LAMA2: variants seen among roughly 807,000 people sequenced by gnomAD.
LAMA2 encodes the protein laminin subunit alpha 2, also known as laminin subunit alpha-2.
Under a neutral mutation model 364.8 loss-of-function variants are expected in LAMA2, and 269 were observed. The observed-to-expected ratio is 0.74, with a 90% CI of 0.67 to 0.82. The LOEUF is 0.82. Ranked by LOEUF, LAMA2 falls within the 40% of genes least tolerant of loss-of-function variation. The pLI, the probability that LAMA2 is intolerant of heterozygous loss-of-function variation, is 0.00. For missense variants in LAMA2, 3,807 were observed against 3,873.2 expected (o/e 0.98, Z 0.45); for synonymous variants, 1,379 against 1,370.6 (o/e 1.01, Z -0.14).
intron 29 of LAMA2, among the ~76,000 whole-genome samples, chr6:129,337,273 A>G (rs1323146223): frequency 6.6e-6 from 1 of 152,192 alleles, no homozygotes; most frequent in Non-Finnish European, 1.5e-5. Context: ...AAATCAAGGG[A>G]GGAAGTACAT....
intron 63 of LAMA2, among the ~76,000 whole-genome samples, chr6:129,514,056 C>T (rs1157229372): frequency 6.6e-6 from 1 of 152,102 alleles, no homozygotes; most frequent in African/African-American, 2.4e-5. Flanking sequence ...TAGAATTTTT[C>T]CCTGTGTACA....
intron 1 of LAMA2, among the ~76,000 whole-genome samples, chr6:128,996,874 C>T (rs1783977013): frequency 6.6e-6 from 1 of 152,174 alleles, no homozygotes; most frequent in Admixed American, 6.5e-5. Flanking sequence ...TTGGAACCAA[C>T]CCAAATGCCT....
intron 3 of LAMA2, among the ~76,000 whole-genome samples, chr6:129,071,729 G>T (rs540087714): frequency 6.6e-6 from 1 of 152,112 alleles, no homozygotes; most frequent in South Asian, 2.1e-4. Context: ...TTTTGTTTTT[G>T]TTGTTATTCC....
chr6:129,386,702 G>A lies in LAMA2; in HGVS notation c.5071+3469G>A, dbSNP rs138463291. On this transcript the variant is annotated intron_variant, in intron 35 of 64. Coordinates refer to ENST00000421865, the MANE Select transcript of LAMA2 (RefSeq NM_000426.4). Reference sequence around the variant, plus strand: ...CAAATTAAACTGGCAAGTTTTAATGGGCCATGTGTAATTTATCTGTGTCCC... The same window carrying A: ...CAAATTAAACTGGCAAGTTTTAATGAGCCATGTGTAATTTATCTGTGTCCC... 4.6e-3 allele frequency among the ~76,000 whole-genome samples: 696 copies of A among 152,092 alleles called. 8 individuals carry two copies. Among genetic ancestry groups the A allele is most frequent in the African/African-American group, 0.016 (670 of 41,482 alleles).
chr6:129,219,477 G>A (rs1282537549), intron 12 of LAMA2, among the ~76,000 whole-genome samples: 1 of 151,650 alleles, frequency 6.6e-6, no homozygotes, highest in Non-Finnish European at 1.5e-5. Context: ...CCATTACTGG[G>A]TATGTACCCA....
At chr6:129,060,915 T>A (rs1322689248) in intron 3 of LAMA2, among the ~76,000 whole-genome samples, 1 of 152,156 alleles carries the variant, frequency 6.6e-6, no homozygotes, top group Non-Finnish European at 1.5e-5. Flanking sequence ...TATGAGGAAC[T>A]GGTGGCGGCA....
At chr6:129,143,274 G>A (rs1041813513) in intron 4 of LAMA2, among the ~76,000 whole-genome samples, 1 of 151,338 alleles carries the variant, frequency 6.6e-6, no homozygotes, top group African/African-American at 2.4e-5. Context: ...TTTTCATAGG[G>A]TATGTTACAT....
At chr6:129,020,328 A>T (rs982666863) in intron 1 of LAMA2, among the ~76,000 whole-genome samples, 8 of 152,148 alleles carry the variant, frequency 5.3e-5, no homozygotes, top group African/African-American at 1.9e-4. Context: ...CTACCCCTGA[A>T]GTTTCCATCA....
intron 6 of LAMA2, among the ~76,000 whole-genome samples, chr6:129,147,489 G>A (rs538979223): frequency 6.6e-6 from 1 of 151,924 alleles, no homozygotes; most frequent in Non-Finnish European, 1.5e-5. Flanking sequence ...ATAGGGCAGG[G>A]GCAATAAGGG....
At chr6:129,402,544 G>T in intron 39 of LAMA2, 57 bp downstream of exon 39, 1 of 1,515,142 alleles carries the variant, frequency 6.6e-7, no homozygotes, top group South Asian at 1.1e-5. Context: ...CAAAGGTTTT[G>T]ACTAGCATAA....
intron 2 of LAMA2, among the ~76,000 whole-genome samples, chr6:129,052,305 C>CTTTTTT (rs71272306): frequency 2.3e-5 from 3 of 131,266 alleles, no homozygotes; most frequent in Admixed American, 7.9e-5. Flanking sequence ...CCGGCTAATT[C>CTTTTTT]TTTTTTTTTT....
At chr6:128,908,747 T>G (rs1777677702) in intron 1 of LAMA2, among the ~76,000 whole-genome samples, 1 of 147,828 alleles carries the variant, frequency 6.8e-6, no homozygotes, top group Non-Finnish European at 1.5e-5. Context: ...ATTTTGGATC[T>G]TTCCTGCTGT....
chr6:129,190,282 C>T lies in LAMA2; in HGVS notation c.1545C>T (p.Cys515=), dbSNP rs774918437. The change falls in exon 11 of 65, where the codon TGC becomes TGT. Residue 515 remains cysteine, a synonymous_variant. Coordinates refer to ENST00000421865, the MANE Select transcript of LAMA2 (RefSeq NM_000426.4). ...FNLQEDNWKG[C]DECFCSGVSN... is the part of the protein sequence containing the mutation. The stretch of plus-strand genomic sequence containing the variant: ...TGCAAGAGGATAATTGGAAAGGCTG[C>T]GATGAGTGTTTCTGTTCAGGGGTTT... 5.0e-6 allele frequency: 8 copies of T among 1,613,446 alleles called. No individual in the cohort carries two copies. The Admixed American group carries it at 5.0e-5, about 10-fold the overall frequency.
rs184942354 is a variant in LAMA2, at chr6:129,251,969, A to T, written c.1885-115A>T. 2.3e-4 allele frequency: 152 copies of T among 668,534 alleles called. 1 individual carries two copies. The African/African-American group carries it at 2.4e-3, about 11-fold the overall frequency. 41.4% of individuals were successfully genotyped at this position (668,534 alleles called of 1,614,324 possible). The stretch of plus-strand genomic sequence containing the variant: ...ATAAATAAATAAAAAATAAACATAA[A>T]TTTTTAAAGTTAAAAGTCTATTGAG... On this transcript the variant is annotated intron_variant, in intron 13 of 64. Transcript: ENST00000421865.
chr6:128,894,654 A>T (rs971550249), intron 1 of LAMA2, among the ~76,000 whole-genome samples: 9 of 152,222 alleles, frequency 5.9e-5, no homozygotes, highest in Admixed American at 5.9e-4. Flanking sequence ...GATGTTAAAA[A>T]GATGTACCCA....
intron 28 of LAMA2, among the ~76,000 whole-genome samples, chr6:129,322,500 T>C (rs1775028356): frequency 6.6e-6 from 1 of 152,216 alleles, no homozygotes; most frequent in Non-Finnish European, 1.5e-5. Flanking sequence ...TACTTTTAAC[T>C]GTGTGCACTT....
intron 12 of LAMA2, among the ~76,000 whole-genome samples, chr6:129,239,492 T>G (rs923851050): frequency 6.6e-6 from 1 of 152,168 alleles, no homozygotes; most frequent in African/African-American, 2.4e-5. Context: ...AATATTTAAA[T>G]AACCCACTGT....
chr6:129,381,738 T>C (rs1778702032), intron 34 of LAMA2, among the ~76,000 whole-genome samples: 1 of 152,200 alleles, frequency 6.6e-6, no homozygotes, highest in South Asian at 2.1e-4. Context: ...ATCCAGAGCA[T>C]TATAATACTT....
chr6:129,359,537 G>A (rs958412901), intron 32 of LAMA2, among the ~76,000 whole-genome samples: 1 of 145,554 alleles, frequency 6.9e-6, no homozygotes, highest in Non-Finnish European at 1.5e-5. Flanking sequence ...ATATGCTAAT[G>A]TAAAAGTTTC....
Sources: allele counts gnomAD v4.1 joint callset (sites outside exome capture counted in the v4.1 genomes callset), GRCh38; gene constraint gnomAD v4.1.1; transcripts MANE v1.5; gene names NCBI Gene and HGNC (gene_info 2026-07-23, HGNC 2026-07-21).